The following NT5C2 variants were observed in gnomAD, a reference collection of about 807,000 sequenced individuals.
NT5C2 encodes the protein cytosolic purine 5'-nucleotidase.
Under a neutral mutation model 76.1 loss-of-function variants are expected in NT5C2, and 58 were observed. The ratio of observed to expected loss-of-function variants is 0.76; its 90% CI spans 0.62 to 0.95. The LOEUF is 0.95. NT5C2 is among the 40% of genes least tolerant of loss of function. The pLI is 0.00. For missense variants in NT5C2, 478 were observed against 690.3 expected, an observed-to-expected ratio of 0.69 and a Z score of 3.45; for synonymous variants, 229 against 237.4, an observed-to-expected ratio of 0.96 and a Z score of 0.32.
chr10:103,094,476 A>C (rs1353149194), intron 12 of NT5C2, 21 bp from the exon 13 acceptor site: 1 of 1,363,700 alleles, frequency 7.3e-7, no homozygotes, highest in Admixed American at 1.7e-5. Context: ...AGAAACAGCA[A>C]AAGTTGAAAC....
At chr10:103,093,839 T>C in intron 14 of NT5C2, 133 bp downstream of exon 14, 1 of 661,926 alleles carries the variant, frequency 1.5e-6, no homozygotes, top group South Asian at 1.9e-5. Context: ...AAGAGGTGAC[T>C]AAACTATTTA....
At chr10:103,164,426 T>G (rs1200123666) in intron 3 of NT5C2, among the ~76,000 whole-genome samples, 1 of 151,884 alleles carries the variant, frequency 6.6e-6, no homozygotes, top group Non-Finnish European at 1.5e-5. Context: ...CCCAGCTAAT[T>G]TTTGTATATT....
At chr10:103,171,066 C>G (rs1280086938) in intron 3 of NT5C2, among the ~76,000 whole-genome samples, 1 of 152,088 alleles carries the variant, frequency 6.6e-6, no homozygotes, top group Non-Finnish European at 1.5e-5. Flanking sequence ...TACCTAGCAA[C>G]ATATCTCACA....
chr10:103,117,201 C>G (rs2074550833), intron 4 of NT5C2, among the ~76,000 whole-genome samples: 1 of 152,134 alleles, frequency 6.6e-6, no homozygotes, highest in South Asian at 2.1e-4. Flanking sequence ...CTGTCTCTCT[C>G]TAAAAGACAA....
At chr10:103,175,007 G>C in intron 2 of NT5C2, 25 bp from the exon 3 acceptor site, 2 of 1,332,498 alleles carry the variant, frequency 1.5e-6, no homozygotes, top group Non-Finnish European at 1.1e-6. Context: ...CATTAATTTA[G>C]TAACTTAATA....
chr10:103,148,050 C>T (rs144227549), intron 3 of NT5C2, among the ~76,000 whole-genome samples: 169 of 152,060 alleles, frequency 1.1e-3, no homozygotes, highest in African/African-American at 4.0e-3. Flanking sequence ...CTCCATCCTC[C>T]GTAAAAAGTA....
chr10:103,183,793 T>C (rs2091637982), intron 1 of NT5C2, among the ~76,000 whole-genome samples: 2 of 152,102 alleles, frequency 1.3e-5, no homozygotes, highest in South Asian at 4.1e-4. Context: ...TATCCAAAAC[T>C]GTACCCCCTA....
At chr10:103,161,183 T>TA (rs1412770759) in intron 3 of NT5C2, among the ~76,000 whole-genome samples, 1 of 152,166 alleles carries the variant, frequency 6.6e-6, no homozygotes, top group African/African-American at 2.4e-5. Flanking sequence ...CCATACAATA[T>TA]ATTTTTTTTC....
At chr10:103,097,970 CCATT>C in intron 10 of NT5C2, 1 of 508,232 alleles carries the variant, frequency 2.0e-6, no homozygotes, top group Non-Finnish European at 3.9e-6. Flanking sequence ...CGGACCCTCC[CCATT>C]CAGTGTTCTT....
chr10:103,129,381 C>T (rs1228523106), intron 4 of NT5C2, among the ~76,000 whole-genome samples: 12 of 116,016 alleles, frequency 1.0e-4, no homozygotes, highest in Admixed American at 3.2e-4. Context: ...CCAGCCGCCC[C>T]GTCTGGGAGG....
chr10:103,112,436 A>C (rs1164676470), intron 4 of NT5C2, among the ~76,000 whole-genome samples: 1 of 152,236 alleles, frequency 6.6e-6, no homozygotes, highest in African/African-American at 2.4e-5. Flanking sequence ...TTGTCAGTGG[A>C]AATCTGCCCT....
At chr10:103,140,883 T>C (rs879796724) in intron 3 of NT5C2, among the ~76,000 whole-genome samples, 37 of 152,322 alleles carry the variant, frequency 2.4e-4, no homozygotes, top group Admixed American at 3.9e-4. Context: ...TCATTTCTTT[T>C]TTCGCTATTG....
At chr10:103,184,021 C>T (rs185432676) in intron 1 of NT5C2, among the ~76,000 whole-genome samples, 9 of 151,240 alleles carry the variant, frequency 6.0e-5, no homozygotes, top group Middle Eastern at 3.4e-3. Flanking sequence ...GACGCGATCT[C>T]GGCTCAATGC....
At chr10:103,156,015 A>T (rs1257993676) in intron 3 of NT5C2, among the ~76,000 whole-genome samples, 2 of 152,062 alleles carry the variant, frequency 1.3e-5, no homozygotes, top group South Asian at 2.1e-4. Flanking sequence ...AAAATTTAAA[A>T]ATTAGCCAGG....
intron 1 of NT5C2, among the ~76,000 whole-genome samples, chr10:103,188,891 T>G (rs563687082): frequency 6.6e-6 from 1 of 152,014 alleles, no homozygotes; most frequent in South Asian, 2.1e-4. Flanking sequence ...ATTCTCAGCA[T>G]GCCTGTAGTA....
chr10:103,143,357 C>T (rs764891809), intron 3 of NT5C2, among the ~76,000 whole-genome samples: 2 of 152,088 alleles, frequency 1.3e-5, no homozygotes, highest in Non-Finnish European at 2.9e-5. Flanking sequence ...CACTGGGATA[C>T]AGAAAGAAAA....
chr10:103,124,885 T>C, intron 4 of NT5C2: 3 of 147,202 alleles, frequency 2.0e-5, no homozygotes, highest in Middle Eastern at 7.1e-3. Context: ...ATAATTAAAT[T>C]TAATGTAATT....
At chr10:103,124,451 T>C (rs10883835) in intron 4 of NT5C2, among the ~76,000 whole-genome samples, 14,408 of 152,220 alleles carry the variant, frequency 0.095, 893 homozygotes, top group East Asian at 0.28. Context: ...CCATAATATA[T>C]AGAAGTGTAA....
chr10:103,145,573 G>A (rs2081333007), intron 3 of NT5C2, among the ~76,000 whole-genome samples: 1 of 152,102 alleles, frequency 6.6e-6, no homozygotes, highest in East Asian at 1.9e-4. Flanking sequence ...TCAAGAGCTT[G>A]AACATATCGG....
Sources: gnomAD v4.1 joint callset for allele counts (sites outside exome capture counted in the v4.1 genomes callset) on GRCh38, gnomAD v4.1.1 for gene constraint, MANE v1.5 for transcripts, NCBI Gene and HGNC (gene_info 2026-07-23, HGNC 2026-07-21) for gene names.